The following ANO2 variants were observed in gnomAD, a reference collection of about 807,000 sequenced individuals.
ANO2 encodes anoctamin-2.
ANO2 carries 101 observed loss-of-function variants against 124.2 expected under a neutral mutation model. That is an observed-to-expected ratio of 0.81 (90% CI 0.69 to 0.96). ANO2 has a LOEUF of 0.96. Ranked by LOEUF, ANO2 falls within the 40% of genes least tolerant of loss-of-function variation. ANO2 has a pLI of 0.00. For synonymous variants in ANO2, 486 were observed against 482.5 expected, an observed-to-expected ratio of 1.01 and a Z score of -0.09; for missense variants, 1,293 against 1,274.5, an observed-to-expected ratio of 1.01 and a Z score of -0.22.
chr12:5,617,029 AT>A lies in ANO2; in HGVS notation c.1817-1733del. ...AGTACCACACTCTCCAATTCACGCC[AT>A]AGCACTCTCCAGATCACAGTGTACC... On this transcript the variant is annotated intron_variant, in intron 16 of 24. Transcript: ENST00000682330. Among the ~76,000 whole-genome samples the A allele has an allele frequency of 1.3e-5, 2 of 151,882 alleles. 1 individual carries two copies.
Position 5,575,969 on chromosome 12 carries a change from T to C in ANO2, c.2486A>G (p.Tyr829Cys), listed in dbSNP as rs776943829. Reference sequence around the variant, plus strand: ...CCCATTGTGACTGTAGGAGTACTGGTACACCAGGCGGGGGATAAAGTCGGA... The same window carrying C: ...CCCATTGTGACTGTAGGAGTACTGGCACACCAGGCGGGGGATAAAGTCGGA... ...ITSDFIPRLV[Y>C]QYSYSHNGTL... The change falls in exon 23 of 25, where the codon TAC becomes TGC. Residue 829 changes from tyrosine to cysteine, a missense_variant. Physicochemically the swap from Tyr to Cys is radical, Grantham distance 194. Transcript: ENST00000682330. 5 of 1,612,458 alleles carry C rather than the reference T, an allele frequency of 3.1e-6. No individual in the cohort carries two copies. The highest frequency in any genetic ancestry group is 3.4e-6 in the Non-Finnish European group (4 of 1,179,342).
intron 23 of ANO2, among the ~76,000 whole-genome samples, chr12:5,568,136 CTTTTTTTTTTT>C (rs71445654): frequency 1.8e-5 from 2 of 112,778 alleles, no homozygotes; most frequent in African/African-American, 6.8e-5. Flanking sequence ...CCACCCTATG[CTTTTTTTTTTT>C]TTTTTTTTTT....
chr12:5,695,780 T>G (rs1949146897), intron 14 of ANO2, among the ~76,000 whole-genome samples: 1 of 150,436 alleles, frequency 6.6e-6, no homozygotes. Context: ...GGCGGAGGTT[T>G]TGTTGAGCCG....
chr12:5,705,726 G>A (rs547320593), intron 14 of ANO2, among the ~76,000 whole-genome samples: 1 of 152,326 alleles, frequency 6.6e-6, no homozygotes, highest in African/African-American at 2.4e-5. Flanking sequence ...TATCATAACT[G>A]TTGGTTTTGC....
intron 3 of ANO2, among the ~76,000 whole-genome samples, chr12:5,891,739 C>G (rs943157289): frequency 2.6e-5 from 4 of 152,222 alleles, no homozygotes; most frequent in Non-Finnish European, 5.9e-5. Flanking sequence ...TAGCATAAGG[C>G]TGTGAAAATG....
At chr12:5,755,481 G>C (rs2137098847) in intron 10 of ANO2, among the ~76,000 whole-genome samples, 1 of 151,912 alleles carries the variant, frequency 6.6e-6, no homozygotes, top group East Asian at 1.9e-4. Flanking sequence ...ATGTATACAT[G>C]TGCCATGTTC....
At chr12:5,714,540 T>C (rs1696835882) in intron 14 of ANO2, among the ~76,000 whole-genome samples, 1 of 152,176 alleles carries the variant, frequency 6.6e-6, no homozygotes, top group South Asian at 2.1e-4. Flanking sequence ...CTAAAAAATA[T>C]GCACAACTGG....
chr12:5,736,528 C>T (rs1020473665), intron 13 of ANO2, among the ~76,000 whole-genome samples: 8 of 152,178 alleles, frequency 5.3e-5, no homozygotes, highest in African/African-American at 1.9e-4. Context: ...TCATGGCTTT[C>T]AAGGACCCCT....
intron 3 of ANO2, among the ~76,000 whole-genome samples, chr12:5,919,353 G>GTA (rs1941563047): frequency 1.3e-5 from 1 of 79,054 alleles, no homozygotes; most frequent in South Asian, 4.3e-4. Context: ...AGAGGGCAAC[G>GTA]GCACAAAGAC....
At chr12:5,630,101 A>G (rs1449004781) in intron 16 of ANO2, among the ~76,000 whole-genome samples, 1 of 152,234 alleles carries the variant, frequency 6.6e-6, no homozygotes, top group East Asian at 1.9e-4. Flanking sequence ...GCTCCCAGGA[A>G]ACTGGTCTTC....
rs566217703 is a variant in ANO2 at position 5,877,104 on chromosome 12, A to G, written c.535-22963T>C. Among the ~76,000 whole-genome samples the G allele has an allele frequency of 3.1e-4, 47 of 152,314 alleles. 1 individual carries two copies. The South Asian group carries it at 9.5e-3, about 31-fold the overall frequency. The stretch of plus-strand genomic sequence containing the variant: ...AATTCATGTCCATGCAGAACCTCAT[A>G]ATGTGACCTTATTTATGGAAGAGGT... On this transcript the variant is annotated intron_variant, in intron 3 of 24. Transcript: ENST00000682330.
intron 3 of ANO2, among the ~76,000 whole-genome samples, chr12:5,860,151 T>C (rs1219002401): frequency 6.6e-6 from 1 of 152,098 alleles, no homozygotes; most frequent in African/African-American, 2.4e-5. Context: ...CCTCACATTC[T>C]ATCCCTCCAT....
intron 3 of ANO2, among the ~76,000 whole-genome samples, chr12:5,912,524 G>C (rs1387897926): frequency 6.6e-6 from 1 of 152,186 alleles, no homozygotes; most frequent in Non-Finnish European, 1.5e-5. Context: ...AAATAGACAT[G>C]TACCTGGATT....
At chr12:5,648,026 G>A (rs1467824376) in intron 14 of ANO2, among the ~76,000 whole-genome samples, 4 of 152,166 alleles carry the variant, frequency 2.6e-5, no homozygotes, top group African/African-American at 9.7e-5. Context: ...AACAAGATTT[G>A]ATTTCAGCCT....
chr12:5,824,858 G>C (rs936674938), intron 7 of ANO2, among the ~76,000 whole-genome samples: 4 of 152,098 alleles, frequency 2.6e-5, no homozygotes, highest in Non-Finnish European at 5.9e-5. Context: ...CTTCTTACAT[G>C]GTGGCAGCAA....
chr12:5,567,340 G>T (rs923741622), intron 23 of ANO2, among the ~76,000 whole-genome samples: 1 of 152,208 alleles, frequency 6.6e-6, no homozygotes, highest in Non-Finnish European at 1.5e-5. Context: ...GAGGGAGAGC[G>T]TGGCTAAATG....
chr12:5,633,903 T>C (rs1945864979), intron 16 of ANO2, among the ~76,000 whole-genome samples: 1 of 152,146 alleles, frequency 6.6e-6, no homozygotes, highest in Admixed American at 6.5e-5. Flanking sequence ...CCTCTCCTCC[T>C]GCCCATCCCC....
At chr12:5,563,616 G>T (rs538503111) in intron 24 of ANO2, 48 bp from the exon 25 acceptor site, 1 of 1,602,658 alleles carries the variant, frequency 6.2e-7, no homozygotes, top group African/African-American at 1.3e-5. Flanking sequence ...GGCCCGGCCT[G>T]GGGAGGTGGC....
At chr12:5,831,863 T>C (rs1258551254) in intron 5 of ANO2, among the ~76,000 whole-genome samples, 1 of 152,170 alleles carries the variant, frequency 6.6e-6, no homozygotes, top group Non-Finnish European at 1.5e-5. Flanking sequence ...TAGAGCAAAG[T>C]TGATGCTTGG....
Sources: allele counts gnomAD v4.1 joint callset (sites outside exome capture counted in the v4.1 genomes callset), GRCh38; gene constraint gnomAD v4.1.1; transcripts MANE v1.5; gene names NCBI Gene and HGNC (gene_info 2026-07-23, HGNC 2026-07-21).